PIK3C2G: variants seen among roughly 807,000 people sequenced by gnomAD.
The protein encoded by PIK3C2G is phosphatidylinositol 3-kinase C2 domain-containing subunit gamma.
PIK3C2G carries 168 observed loss-of-function variants against 181.1 expected under a neutral mutation model. That is an observed-to-expected ratio of 0.93 (90% CI 0.82 to 1.05). The LOEUF is 1.05. Ranked by LOEUF, PIK3C2G falls within the 50% of genes least tolerant of loss-of-function variation. The pLI is 0.00. For missense variants in PIK3C2G, 1,869 were observed against 1,732.8 expected (o/e 1.08, Z -1.40); for synonymous variants, 573 against 592.2 (o/e 0.97, Z 0.47).
intron 24 of PIK3C2G, among the ~76,000 whole-genome samples, chr12:18,532,587 T>G (rs11044165): frequency 6.6e-6 from 1 of 151,892 alleles, no homozygotes; most frequent in Non-Finnish European, 1.5e-5. Flanking sequence ...CTGTCTTCAC[T>G]GAATTACTTT....
chr12:18,365,626 A>G (rs1941586882), intron 12 of PIK3C2G, among the ~76,000 whole-genome samples: 1 of 152,138 alleles, frequency 6.6e-6, no homozygotes, highest in Admixed American at 6.5e-5. Flanking sequence ...CTCTTCTCCC[A>G]GACTGATTAT....
At chr12:18,711,887 C>T in the PIK3C2G span, among the ~76,000 whole-genome samples, 1 of 151,954 alleles carries the variant, frequency 6.6e-6, no homozygotes, top group Admixed American at 6.6e-5. Context: ...CAGTGCCATA[C>T]TCTCAATGTT....
intron 18 of PIK3C2G, among the ~76,000 whole-genome samples, chr12:18,457,572 T>C (rs942299632): frequency 1.6e-4 from 25 of 152,114 alleles, no homozygotes; most frequent in Non-Finnish European, 4.4e-5. Flanking sequence ...GGGCTTTGTG[T>C]TGCAATTTTC....
chr12:18,632,295 T>TA (rs1266983276), intron 31 of PIK3C2G, among the ~76,000 whole-genome samples: 1 of 152,208 alleles, frequency 6.6e-6, no homozygotes, highest in Non-Finnish European at 1.5e-5. Context: ...TATTCAGCCT[T>TA]ACTGCTTAAG....
intron 29 of PIK3C2G, among the ~76,000 whole-genome samples, chr12:18,580,081 C>T (rs978616516): frequency 1.0e-4 from 15 of 150,316 alleles, no homozygotes; most frequent in Non-Finnish European, 1.2e-4. Flanking sequence ...TGCAGTGAGC[C>T]GAGTTCGCAC....
chr12:18,671,902 A>T, the PIK3C2G span, among the ~76,000 whole-genome samples: 2 of 152,120 alleles, frequency 1.3e-5, no homozygotes, highest in African/African-American at 2.4e-5. Flanking sequence ...CATCTCCCAT[A>T]TATAGCACCT....
chr12:18,320,937 T>C (rs758941485), intron 6 of PIK3C2G, 25 bp from the exon 7 acceptor site: 2 of 1,338,416 alleles, frequency 1.5e-6, no homozygotes, highest in South Asian at 1.2e-5. Flanking sequence ...ACTCAATAAA[T>C]ATTAATATAT....
intron 1 of PIK3C2G, among the ~76,000 whole-genome samples, chr12:18,267,074 T>C (rs182146316): frequency 2.0e-5 from 3 of 152,272 alleles, no homozygotes; most frequent in Admixed American, 2.0e-4. Flanking sequence ...CTCCTTTCTA[T>C]GAATGTTACA....
chr12:18,419,747 G>A (rs1945372616), intron 16 of PIK3C2G, among the ~76,000 whole-genome samples: 1 of 152,116 alleles, frequency 6.6e-6, no homozygotes, highest in Non-Finnish European at 1.5e-5. Context: ...TAAAATTCTT[G>A]TTGCAATTAA....
intron 18 of PIK3C2G, among the ~76,000 whole-genome samples, chr12:18,432,365 A>G (rs555855450): frequency 3.3e-5 from 5 of 152,260 alleles, no homozygotes; most frequent in African/African-American, 1.2e-4. Context: ...TCAAATGTTG[A>G]AACTTGGACC....
chr12:18,656,445 A>G, the PIK3C2G span, among the ~76,000 whole-genome samples: 12 of 152,184 alleles, frequency 7.9e-5, no homozygotes, highest in Non-Finnish European at 1.6e-4. Flanking sequence ...GGGCGCCTGT[A>G]ATCCCAGCTA....
chr12:18,399,112 G>A (rs998703718), intron 15 of PIK3C2G, among the ~76,000 whole-genome samples: 5 of 148,158 alleles, frequency 3.4e-5, no homozygotes, highest in Non-Finnish European at 7.5e-5. Context: ...GGAGAATGGC[G>A]TGAACCCGGG....
chr12:18,549,840 T>C (rs1309591607), intron 26 of PIK3C2G, among the ~76,000 whole-genome samples: 4 of 151,970 alleles, frequency 2.6e-5, no homozygotes, highest in Non-Finnish European at 4.4e-5. Context: ...GAGAGACCCC[T>C]AAAGGGTAAC....
intron 30 of PIK3C2G, among the ~76,000 whole-genome samples, chr12:18,594,829 A>G (rs1947271216): frequency 6.6e-6 from 1 of 152,034 alleles, no homozygotes; most frequent in African/African-American, 2.4e-5. Flanking sequence ...TCTCAAGAAA[A>G]TTGTTTCTCT....
At position 18,594,630 on chromosome 12, in the gene PIK3C2G, A is replaced by C. The variant is rs1947259207; in HGVS notation, c.4087+61A>C. The C allele has an allele frequency of 8.2e-6, 7 of 850,460 alleles. No homozygotes were observed. In the South Asian group the frequency reaches 1.5e-4, roughly 18 times the overall value. The allele number at this position is 850,460 out of a possible 1,614,324, so 52.7% of individuals were successfully genotyped here. A position where few individuals can be genotyped will look rare whatever the true frequency, so the allele number is the denominator to read the frequency against. On this transcript the variant is annotated intron_variant, in intron 30 of 32. Coordinates refer to ENST00000538779, the MANE Select transcript of PIK3C2G (RefSeq NM_001288772.2). ...TTTCAAAATAATTGGACAAAAAGAT[A>C]TCACAACTAATTTTTTTCAATTTTT...
In PIK3C2G at chr12:18,423,992, A is replaced by G; in HGVS notation, c.2457A>G (p.Leu819=). The change falls in exon 18 of 33, where the codon CTA becomes CTG. Residue 819 remains leucine (L), a synonymous_variant. Coordinates refer to ENST00000538779, the MANE Select transcript of PIK3C2G (RefSeq NM_001288772.2). Reference sequence around the variant, plus strand: ...TTGAGAGTCCTTTAGTGCAACTTCTACTCCACCGCTCCTTGCAGAGCATCC... The same window carrying G: ...TTGAGAGTCCTTTAGTGCAACTTCTGCTCCACCGCTCCTTGCAGAGCATCC... The part of the protein sequence containing the change: ...WNLESPLVQL[L]LHRSLQSIQV... 1 of 1,611,742 alleles carries G rather than the reference A, an allele frequency of 6.2e-7. No homozygotes were observed. Among genetic ancestry groups the G allele is most frequent in the Non-Finnish European group, 8.5e-7 (1 of 1,178,932 alleles).
At chr12:18,556,190 T>C (rs1451884905) in intron 26 of PIK3C2G, among the ~76,000 whole-genome samples, 1 of 152,108 alleles carries the variant, frequency 6.6e-6, no homozygotes, top group Non-Finnish European at 1.5e-5. Context: ...ATAAGGATAA[T>C]CCAAAGCATA....
intron 16 of PIK3C2G, among the ~76,000 whole-genome samples, chr12:18,401,242 T>A (rs1200029079): frequency 6.6e-6 from 1 of 152,146 alleles, no homozygotes; most frequent in African/African-American, 2.4e-5. Context: ...TTATAAGCAA[T>A]TTGAGGATAT....
At chr12:18,302,386 G>T (rs1346730766) in intron 5 of PIK3C2G, among the ~76,000 whole-genome samples, 1 of 152,182 alleles carries the variant, frequency 6.6e-6, no homozygotes, top group Non-Finnish European at 1.5e-5. Flanking sequence ...TCCCCCAGTG[G>T]CTTGTGTGAA....
Sources: gnomAD v4.1 joint callset for allele counts (sites outside exome capture counted in the v4.1 genomes callset) on GRCh38, gnomAD v4.1.1 for gene constraint, MANE v1.5 for transcripts, NCBI Gene and HGNC (gene_info 2026-07-23, HGNC 2026-07-21) for gene names.